Variants in CMIP observed in about 807,000 individuals in gnomAD.
The protein encoded by CMIP is C-Maf-inducing protein.
A neutral mutation model predicts 97.3 loss-of-function variants in CMIP; 13 were observed. The observed-to-expected ratio is 0.13, with a 90% CI of 0.09 to 0.21. CMIP has a LOEUF of 0.21. Ranked by LOEUF, CMIP falls within the 10% of genes least tolerant of loss-of-function variation. The pLI is 1.00. For synonymous variants in CMIP, 538 were observed against 436.3 expected, an observed-to-expected ratio of 1.23 and a Z score of -2.91; for missense variants, 847 against 1,024.9, an observed-to-expected ratio of 0.83 and a Z score of 2.37.
At chr16:81,556,650 T>G (rs1275411684) in intron 1 of CMIP, among the ~76,000 whole-genome samples, 1 of 152,130 alleles carries the variant, frequency 6.6e-6, no homozygotes, top group Non-Finnish European at 1.5e-5. Context: ...TTTGGGAAGA[T>G]GAGAAAGCTC....
chr16:81,661,765 C>G (rs1311469350), intron 6 of CMIP, among the ~76,000 whole-genome samples: 1 of 152,160 alleles, frequency 6.6e-6, no homozygotes, highest in East Asian at 1.9e-4. Flanking sequence ...CACCCCTCAC[C>G]CCAGGGAGTC....
At chr16:81,664,172 C>G in intron 6 of CMIP, 97 bp from the exon 7 acceptor site, 1 of 1,174,734 alleles carries the variant, frequency 8.5e-7, no homozygotes, top group Non-Finnish European at 1.2e-6. Flanking sequence ...CCCAGGCACC[C>G]ACAGCTGGGC....
intron 3 of CMIP, among the ~76,000 whole-genome samples, chr16:81,648,849 C>CA: frequency 8.0e-6 from 1 of 124,624 alleles, no homozygotes; most frequent in East Asian, 2.6e-4. Flanking sequence ...AGCTAATGGA[C>CA]AAATGGCCAG....
intron 1 of CMIP, among the ~76,000 whole-genome samples, chr16:81,570,303 G>A (rs762926096): frequency 6.6e-6 from 1 of 152,200 alleles, no homozygotes; most frequent in Non-Finnish European, 1.5e-5. Flanking sequence ...CGTGTTGTCA[G>A]TTTAGAGGCA....
chr16:81,447,037 C>T (rs915785404), intron 1 of CMIP, among the ~76,000 whole-genome samples: 4 of 152,202 alleles, frequency 2.6e-5, no homozygotes, highest in African/African-American at 9.6e-5. Context: ...GGTGCATGTT[C>T]TCAAGCCCGT....
chr16:81,551,255 G>T (rs924678026), intron 1 of CMIP, among the ~76,000 whole-genome samples: 1 of 151,998 alleles, frequency 6.6e-6, no homozygotes, highest in African/African-American at 2.4e-5. Flanking sequence ...ACACACCCCA[G>T]TTCCATCACA....
chr16:81,685,477 C>T (rs985273882), intron 10 of CMIP, among the ~76,000 whole-genome samples: 1 of 152,132 alleles, frequency 6.6e-6, no homozygotes, highest in Admixed American at 6.6e-5. Flanking sequence ...TTCAAATCTC[C>T]TTAGAGTTCT....
chr16:81,559,726 C>G (rs1176150312), intron 1 of CMIP, among the ~76,000 whole-genome samples: 1 of 152,202 alleles, frequency 6.6e-6, no homozygotes, highest in Non-Finnish European at 1.5e-5. Context: ...TGGTAAACAA[C>G]TAAGTTACTG....
chr16:81,465,543 G>A (rs765549456), intron 1 of CMIP, among the ~76,000 whole-genome samples: 6 of 152,236 alleles, frequency 3.9e-5, no homozygotes, highest in African/African-American at 7.2e-5. Flanking sequence ...AGGCTGCCTC[G>A]CACAATGCCT....
At chr16:81,706,705 GT>G (rs1416064538) in intron 19 of CMIP, among the ~76,000 whole-genome samples, 2 of 152,218 alleles carry the variant, frequency 1.3e-5, no homozygotes, top group African/African-American at 4.8e-5. Context: ...CTGATCTGGG[GT>G]GTGGCAGGCA....
chr16:81,445,569 C>T (rs1157739053), intron 1 of CMIP, 28 bp downstream of exon 1: 2 of 1,532,854 alleles, frequency 1.3e-6, no homozygotes, highest in African/African-American at 1.4e-5. Flanking sequence ...GCTGCACCCC[C>T]GCCTCTCCTC....
chr16:81,487,421 C>T (rs1000262847), intron 1 of CMIP, among the ~76,000 whole-genome samples: 1 of 152,218 alleles, frequency 6.6e-6, no homozygotes, highest in Non-Finnish European at 1.5e-5. Flanking sequence ...GACCAAACCA[C>T]ACAGCCCTTG....
At chr16:81,479,743 A>G (rs939478626) in intron 1 of CMIP, among the ~76,000 whole-genome samples, 12 of 152,182 alleles carry the variant, frequency 7.9e-5, no homozygotes, top group Admixed American at 2.0e-4. Flanking sequence ...GTTCCAAAAC[A>G]TCGTCACCCC....
Position 81,652,151 on chromosome 16 carries a change from T to A in CMIP, c.478-52T>A. The A allele has an allele frequency of 1.4e-6, 2 of 1,446,888 alleles. No homozygotes were observed. Among genetic ancestry groups the A allele is most frequent in the Non-Finnish European group, 1.9e-6 (2 of 1,034,002 alleles). The allele number at this position is 1,446,888 out of a possible 1,614,324, so 89.6% of individuals were successfully genotyped here. A position where few individuals can be genotyped will look rare whatever the true frequency, so the allele number is the denominator to read the frequency against. Reference sequence around the variant, plus strand: ...GATTCTTTGATTGTCTTCCATCTTCTGCCTTCCTTACGTGAGTAACATGTT... The same window carrying A: ...GATTCTTTGATTGTCTTCCATCTTCAGCCTTCCTTACGTGAGTAACATGTT... On this transcript the variant is annotated intron_variant, in intron 3 of 20. Transcript: ENST00000537098. The surrounding 1 kb of genome is among the most constrained non-coding windows in gnomAD (Gnocchi z 5.2).
chr16:81,645,503 G>C, intron 3 of CMIP: 1 of 1,535,740 alleles, frequency 6.5e-7, no homozygotes. Context: ...GTCTCCCGTG[G>C]AGGAGCAACA....
Position 81,678,401 on chromosome 16 carries a change from G to C in CMIP, c.1161G>C (p.Leu387=), listed in dbSNP as rs775071767. The C allele has an allele frequency of 1.9e-6, 3 of 1,606,418 alleles. No homozygotes were observed. Among genetic ancestry groups the C allele is most frequent in the South Asian group, 2.2e-5 (2 of 89,646 alleles). ...ACCTGGTGTCTCAGGAAGCCACGCT[G>C]TCTGAGGCCCGGCTCAAGTCGGTGG... ...SPDLVSQEAT[L]SEARLKSVVV... The change falls in exon 10 of 21, where the codon CTG becomes CTC. Residue 387 remains leucine (L), a synonymous_variant. Transcript: ENST00000537098.
chr16:81,610,465 G>C, intron 2 of CMIP: 3 of 986,196 alleles, frequency 3.0e-6, no homozygotes, highest in South Asian at 4.7e-5. Context: ...CAACTCCTCA[G>C]ATCCAGAGCC....
intron 1 of CMIP, among the ~76,000 whole-genome samples, chr16:81,514,733 C>T (rs1398667642): frequency 6.6e-6 from 1 of 152,144 alleles, no homozygotes; most frequent in Non-Finnish European, 1.5e-5. Context: ...GTGCCTCAGT[C>T]TCCTTATCTG....
At chr16:81,452,435 G>A (rs1906274178) in intron 1 of CMIP, among the ~76,000 whole-genome samples, 2 of 152,196 alleles carry the variant, frequency 1.3e-5, no homozygotes, top group Non-Finnish European at 2.9e-5. Context: ...GAAGAAAACA[G>A]GAGCCTGCCC....
Sources: allele counts gnomAD v4.1 joint callset (sites outside exome capture counted in the v4.1 genomes callset), GRCh38; gene constraint gnomAD v4.1.1; non-coding constraint Gnocchi (gnomAD v3.1); transcripts MANE v1.5; gene names NCBI Gene and HGNC (gene_info 2026-07-23, HGNC 2026-07-21).